The following AUTS2 variants were observed in gnomAD, a reference collection of about 807,000 sequenced individuals.
AUTS2 encodes the protein activator of transcription and developmental regulator AUTS2.
Under a neutral mutation model 112.4 loss-of-function variants are expected in AUTS2, and 17 were observed. That is an observed-to-expected ratio of 0.15 (90% CI 0.10 to 0.23). The LOEUF (loss-of-function observed/expected upper bound fraction) is 0.23, where lower values mean the gene tolerates loss of function less well. Ranked by LOEUF, AUTS2 falls within the 10% of genes least tolerant of loss-of-function variation. AUTS2 has a pLI of 1.00. For missense variants in AUTS2, 1,510 were observed against 1,701.6 expected, an observed-to-expected ratio of 0.89 and a Z score of 1.98; for synonymous variants, 751 against 702.7, an observed-to-expected ratio of 1.07 and a Z score of -1.09.
rs1028392005 is a variant in AUTS2, at chr7:70,600,454, T to C, written c.691-98115T>C. Among the ~76,000 whole-genome samples the C allele has an allele frequency of 7.2e-5, 11 of 152,260 alleles. No individual in the cohort carries two copies. In the East Asian group the frequency reaches 2.1e-3, roughly 30 times the overall value. ...CCACTCCTGGCTAATTTTTGTATTT[T>C]TAGTAGAGACGGGGTTTTGCCATGT... On this transcript the variant is annotated intron_variant, in intron 5 of 18. Coordinates refer to ENST00000342771, the MANE Select transcript of AUTS2 (RefSeq NM_015570.4).
At chr7:69,967,828 C>T (rs1417814220) in intron 2 of AUTS2, among the ~76,000 whole-genome samples, 2 of 152,054 alleles carry the variant, frequency 1.3e-5, no homozygotes, top group African/African-American at 4.8e-5. Context: ...GTTTCTTTTC[C>T]CAGGGGAAAC....
At chr7:69,728,694 T>TC (rs1319046822) in intron 1 of AUTS2, among the ~76,000 whole-genome samples, 2 of 151,372 alleles carry the variant, frequency 1.3e-5, no homozygotes, top group African/African-American at 4.9e-5. Flanking sequence ...TTTTTTTTTT[T>TC]TTTTAATTTA....
At chr7:70,482,640 C>CATGAAG (rs1446876874) in intron 5 of AUTS2, among the ~76,000 whole-genome samples, 1 of 152,142 alleles carries the variant, frequency 6.6e-6, no homozygotes, top group Non-Finnish European at 1.5e-5. Context: ...CTGCAGGTGT[C>CATGAAG]ATGAAGATGA....
chr7:69,614,316 C>CTTTA (rs1554334310), intron 1 of AUTS2, among the ~76,000 whole-genome samples: 1 of 48,802 alleles, frequency 2.0e-5, no homozygotes, highest in African/African-American at 6.6e-5. Context: ...CTCTCCGTCT[C>CTTTA]TTTCTTTCTT....
chr7:70,366,924 G>C (rs73440752), intron 4 of AUTS2, among the ~76,000 whole-genome samples: 2,520 of 152,216 alleles, frequency 0.017, 81 homozygotes, highest in African/African-American at 0.058. Context: ...GGTACCTGTG[G>C]AACATCCAAG....
chr7:70,001,701 C>T (rs961955169), intron 2 of AUTS2, among the ~76,000 whole-genome samples: 3 of 150,204 alleles, frequency 2.0e-5, no homozygotes, highest in African/African-American at 7.4e-5. Context: ...ATTATAGCCT[C>T]ATTGTCATAT....
chr7:69,956,085 G>A (rs1251441348), intron 2 of AUTS2, among the ~76,000 whole-genome samples: 2 of 152,060 alleles, frequency 1.3e-5, no homozygotes, highest in East Asian at 3.9e-4. Context: ...GCATTCAGAG[G>A]CAAATCTCAC....
intron 5 of AUTS2, among the ~76,000 whole-genome samples, chr7:70,677,943 C>T (rs1244288522): frequency 2.0e-5 from 3 of 151,978 alleles, no homozygotes; most frequent in African/African-American, 7.2e-5. Flanking sequence ...ATTAGCCAGG[C>T]GTGGTGGCGG....
At chr7:70,118,091 C>A in intron 2 of AUTS2, 41 bp from the exon 3 acceptor site, 1 of 1,565,104 alleles carries the variant, frequency 6.4e-7, no homozygotes, top group Non-Finnish European at 8.6e-7. Context: ...AAGAAGCAGA[C>A]CACTAACTTT....
chr7:69,777,288 A>G (rs1382031566), intron 1 of AUTS2, among the ~76,000 whole-genome samples: 3 of 152,026 alleles, frequency 2.0e-5, no homozygotes, highest in Non-Finnish European at 4.4e-5. Context: ...TTGAACAGTC[A>G]CGTTATTTCT....
At chr7:70,058,622 G>T (rs1179698151) in intron 2 of AUTS2, among the ~76,000 whole-genome samples, 1 of 143,492 alleles carries the variant, frequency 7.0e-6, no homozygotes, top group African/African-American at 2.5e-5. Context: ...CTACATGTAG[G>T]TTTTTTTTTT....
intron 5 of AUTS2, among the ~76,000 whole-genome samples, chr7:70,522,108 C>T (rs574345801): frequency 1.3e-5 from 2 of 152,040 alleles, no homozygotes; most frequent in Non-Finnish European, 2.9e-5. Flanking sequence ...GCCACTCAAG[C>T]GAGGACAACT....
At chr7:70,068,011 C>T (rs1352220471) in intron 2 of AUTS2, among the ~76,000 whole-genome samples, 1 of 151,882 alleles carries the variant, frequency 6.6e-6, no homozygotes, top group Non-Finnish European at 1.5e-5. Context: ...AGAATATTTG[C>T]TATATCTTAA....
At chr7:70,121,444 G>A (rs1584753954) in intron 3 of AUTS2, among the ~76,000 whole-genome samples, 1 of 152,110 alleles carries the variant, frequency 6.6e-6, no homozygotes, top group East Asian at 1.9e-4. Context: ...AATCATATAA[G>A]TGGTGTTTAC....
intron 1 of AUTS2, among the ~76,000 whole-genome samples, chr7:69,699,797 G>A (rs547630): frequency 0.61 from 92,338 of 151,678 alleles, 28,494 homozygotes; most frequent in East Asian, 0.7. Context: ...GGTGCCCGCC[G>A]CCACACCTGG....
chr7:70,558,507 T>G (rs558004578), intron 5 of AUTS2, among the ~76,000 whole-genome samples: 8 of 152,100 alleles, frequency 5.3e-5, no homozygotes, highest in African/African-American at 1.7e-4. Flanking sequence ...CCCATGAAGG[T>G]GGCCTGTTAT....
At chr7:70,557,500 T>A (rs1259543185) in intron 5 of AUTS2, among the ~76,000 whole-genome samples, 1 of 152,202 alleles carries the variant, frequency 6.6e-6, no homozygotes, top group Non-Finnish European at 1.5e-5. Context: ...GATTAGCCTG[T>A]TTGTATAGCC....
At chr7:69,969,051 A>AT (rs948426605) in intron 2 of AUTS2, among the ~76,000 whole-genome samples, 11 of 151,594 alleles carry the variant, frequency 7.3e-5, no homozygotes, top group South Asian at 4.2e-4. Context: ...GTGGTTTGGG[A>AT]TTTTTTTTTC....
chr7:69,972,671 A>ATG (rs769055659), intron 2 of AUTS2, among the ~76,000 whole-genome samples: 2,806 of 85,232 alleles, frequency 0.033, 29 homozygotes, highest in Non-Finnish European at 0.051. Context: ...GTGTGCGTGC[A>ATG]TGTGTGTGTG....
Sources: allele counts gnomAD v4.1 joint callset (sites outside exome capture counted in the v4.1 genomes callset), GRCh38; gene constraint gnomAD v4.1.1; transcripts MANE v1.5; gene names NCBI Gene and HGNC (gene_info 2026-07-23, HGNC 2026-07-21).